Variants in CEP162 observed in about 807,000 individuals in gnomAD.
The protein encoded by CEP162 is centrosomal protein 162, also known as centrosomal protein of 162 kDa.
A neutral mutation model predicts 169.2 loss-of-function variants in CEP162; 141 were observed. That is an observed-to-expected ratio of 0.83 (90% CI 0.73 to 0.96). The LOEUF (loss-of-function observed/expected upper bound fraction) is 0.96, where lower values mean the gene tolerates loss of function less well. Ranked by LOEUF, CEP162 falls within the 40% of genes least tolerant of loss-of-function variation. The pLI, the probability that CEP162 is intolerant of heterozygous loss-of-function variation, is 0.00. For synonymous variants in CEP162, 540 were observed against 526.4 expected (o/e 1.03, Z -0.35); for missense variants, 1,600 against 1,587.2 (o/e 1.01, Z -0.14).
intron 18 of CEP162, 57 bp downstream of exon 18, chr6:84,169,271 G>T: frequency 1.1e-6 from 1 of 910,980 alleles, no homozygotes; most frequent in Non-Finnish European, 1.6e-6. Flanking sequence ...GTATAAAAAT[G>T]GGGATTTTTA....
chr6:84,159,873 C>T (rs62449288), intron 21 of CEP162, among the ~76,000 whole-genome samples: 6,422 of 151,994 alleles, frequency 0.042, 197 homozygotes, highest in Admixed American at 0.086. Context: ...TGAGCCACCG[C>T]GCCTGGCCAA....
At chr6:84,177,133 C>T (rs1197654417) in intron 13 of CEP162, among the ~76,000 whole-genome samples, 3 of 152,076 alleles carry the variant, frequency 2.0e-5, no homozygotes, top group Non-Finnish European at 2.9e-5. Flanking sequence ...GCTAAATGGC[C>T]ATGTGTGGCC....
chr6:84,144,493 T>C (rs1175802635), intron 25 of CEP162, among the ~76,000 whole-genome samples: 1 of 152,108 alleles, frequency 6.6e-6, no homozygotes, highest in East Asian at 1.9e-4. Context: ...CACAGATAGT[T>C]AATTGTTTTA....
Position 84,185,438 on chromosome 6 carries a change from G to T in CEP162, c.1412C>A (p.Ser471Tyr), listed in dbSNP as rs2099536743. 1 of 1,613,050 alleles carries T rather than the reference G, an allele frequency of 6.2e-7. No homozygotes were observed. ...QDDKINKTYR[S>Y]QLSSEEEGAV... is the part of the protein sequence containing the mutation. ...CCCTTCTTCTTCAGAACTAAGTTGA[G>T]ATCTGTAAGTCTGTACACAACAAAC... The change falls in exon 13 of 27, where the codon TCT (serine) becomes TAT (tyrosine). Residue 471 changes from serine (S) to tyrosine (Y), a missense_variant. Coordinates refer to ENST00000403245, the MANE Select transcript of CEP162 (RefSeq NM_014895.4).
chr6:84,181,783 G>C (rs2099534941), intron 13 of CEP162, among the ~76,000 whole-genome samples: 1 of 151,996 alleles, frequency 6.6e-6, no homozygotes, highest in Non-Finnish European at 1.5e-5. Flanking sequence ...GGTTGTAGGA[G>C]AGAATATATT....
chr6:84,226,466 G>A lies in CEP162; in HGVS notation c.-59-14C>T, dbSNP rs1370407099. ...ACATTGGAAACACTAAATGACAAGAGACATAAACATCTTTTGAGGAAATCC... is the reference window on the plus strand; with the variant it reads ...ACATTGGAAACACTAAATGACAAGAAACATAAACATCTTTTGAGGAAATCC... On this transcript the variant is annotated splice_polypyrimidine_tract_variant and intron_variant, in intron 1 of 26. Coordinates refer to ENST00000403245, the MANE Select transcript of CEP162 (RefSeq NM_014895.4). 3.9e-6 allele frequency: 4 copies of A among 1,038,344 alleles called. No homozygotes were observed. Among genetic ancestry groups the A allele is most frequent in the African/African-American group, 1.6e-5 (1 of 62,386 alleles). 64.3% of individuals were successfully genotyped at this position (1,038,344 alleles called of 1,614,324 possible).
At chr6:84,182,038 C>G (rs2099535073) in intron 13 of CEP162, among the ~76,000 whole-genome samples, 1 of 151,846 alleles carries the variant, frequency 6.6e-6, no homozygotes, top group Non-Finnish European at 1.5e-5. Context: ...ATTTCTTTTT[C>G]TTCTTATAGA....
chr6:84,133,573 C>T lies in CEP162; in HGVS notation c.3871-7061G>A, dbSNP rs538588792. 2.0e-5 allele frequency among the ~76,000 whole-genome samples: 3 copies of T among 152,296 alleles called. No individual in the cohort carries two copies. In the East Asian group the frequency reaches 5.8e-4, roughly 29 times the overall value. ...TCAAGCCTCAGCAACGGCGGATGCC[C>T]CTCCCCCAGCCTTGCTGCTGCCTTG... On this transcript the variant is annotated intron_variant, in intron 25 of 26. Coordinates refer to ENST00000403245, the MANE Select transcript of CEP162 (RefSeq NM_014895.4).
chr6:84,180,189 C>T (rs188625889), intron 13 of CEP162, among the ~76,000 whole-genome samples: 11 of 152,218 alleles, frequency 7.2e-5, no homozygotes, highest in Non-Finnish European at 1.3e-4. Flanking sequence ...GAGGGTTCAA[C>T]GTACGCAAAT....
chr6:84,188,373 C>T (rs548720487), intron 11 of CEP162, among the ~76,000 whole-genome samples: 1 of 152,142 alleles, frequency 6.6e-6, no homozygotes, highest in African/African-American at 2.4e-5. Flanking sequence ...GTTTTTCGAT[C>T]TTCACCCTCC....
At chr6:84,205,680 CA>C (rs1396188332) in intron 6 of CEP162, among the ~76,000 whole-genome samples, 1 of 152,134 alleles carries the variant, frequency 6.6e-6, no homozygotes, top group Admixed American at 6.5e-5. Flanking sequence ...TGCCCTCTCT[CA>C]CCACTCCTAT....
intron 6 of CEP162, among the ~76,000 whole-genome samples, chr6:84,211,878 C>A (rs2099549627): frequency 6.8e-6 from 1 of 147,010 alleles, no homozygotes; most frequent in African/African-American, 2.5e-5. Flanking sequence ...TACCATGATA[C>A]ACCATAGTCA....
At chr6:84,128,916 C>G (rs901686527) in intron 25 of CEP162, among the ~76,000 whole-genome samples, 2 of 149,806 alleles carry the variant, frequency 1.3e-5, no homozygotes, top group Admixed American at 6.7e-5. Context: ...TGTTCAACTT[C>G]CACTTATGAG....
intron 4 of CEP162, 70 bp downstream of exon 4, chr6:84,215,706 A>C: frequency 6.7e-7 from 1 of 1,502,602 alleles, no homozygotes; most frequent in South Asian, 1.3e-5. Flanking sequence ...GCTTCAAGAT[A>C]ATTTTTGTAA....
chr6:84,136,221 T>C lies in CEP162; in HGVS notation c.3871-9709A>G, dbSNP rs114758057. Among the ~76,000 whole-genome samples the C allele has an allele frequency of 4.2e-3, 636 of 152,116 alleles. 6 individuals carry two copies. Among genetic ancestry groups the C allele is most frequent in the African/African-American group, 0.015 (607 of 41,368 alleles). On this transcript the variant is annotated intron_variant, in intron 25 of 26. Transcript: ENST00000403245. ...GCTGTCCAGTTTTTCTTGGCAGTGA[T>C]TGGTTTAGAGGTGGGCACATGTCTT...
At chr6:84,214,463 TTCTG>T (rs547235351) in intron 5 of CEP162, among the ~76,000 whole-genome samples, 124 of 152,310 alleles carry the variant, frequency 8.1e-4, no homozygotes, top group African/African-American at 2.6e-3. Context: ...TCCAGGAATC[TTCTG>T]TCTATTGTCA....
chr6:84,205,207 C>A (rs963395761), intron 6 of CEP162, among the ~76,000 whole-genome samples: 9 of 152,156 alleles, frequency 5.9e-5, no homozygotes, highest in Non-Finnish European at 1.5e-5. Flanking sequence ...AGAGGGAATC[C>A]TCCCTAACTC....
At position 84,185,365 on chromosome 6, in the gene CEP162, A is replaced by C. The variant is rs779649703; in HGVS notation, c.1485T>G (p.Pro495=). 1.2e-6 allele frequency: 2 copies of C among 1,613,520 alleles called. No homozygotes were observed. The highest frequency in any genetic ancestry group is 2.2e-5 in the East Asian group (1 of 44,862). The stretch of plus-strand genomic sequence containing the variant: ...TCTGGGGTTTCCTTTTAAGTAAAGG[A>C]GGTGCACTTCTGGCCTTCTTGTATG... ...QVPYKKARSA[P]PLLKRKPQSG... Residue 495 remains proline (P), a synonymous_variant, in exon 13 of 27, where the codon CCT becomes CCG. Coordinates refer to ENST00000403245, the MANE Select transcript of CEP162 (RefSeq NM_014895.4).
intron 2 of CEP162, among the ~76,000 whole-genome samples, chr6:84,221,688 A>G (rs926745801): frequency 1.3e-5 from 2 of 152,084 alleles, no homozygotes; most frequent in East Asian, 3.9e-4. Context: ...TTTTACTACA[A>G]TCCTAAATCC....
Sources: gnomAD v4.1 joint callset for allele counts (sites outside exome capture counted in the v4.1 genomes callset) on GRCh38, gnomAD v4.1.1 for gene constraint, MANE v1.5 for transcripts, NCBI Gene and HGNC (gene_info 2026-07-23, HGNC 2026-07-21) for gene names.